Variants in ATP6V0D2 observed in about 807,000 individuals in gnomAD.
ATP6V0D2 encodes the protein ATPase H+ transporting V0 subunit d2.
A neutral mutation model predicts 40.0 loss-of-function variants in ATP6V0D2; 40 were observed. The ratio of observed to expected loss-of-function variants is 1.00; its 90% CI spans 0.78 to 1.30. ATP6V0D2 has a LOEUF of 1.30. ATP6V0D2 is among the 50% of genes most tolerant of loss of function. The probability of loss-of-function intolerance (pLI) is 0.00; values close to 1 mark genes in which losing one functional copy is unlikely to be tolerated. For missense variants in ATP6V0D2, 470 were observed against 423.1 expected (o/e 1.11, Z -0.97); for synonymous variants, 179 against 156.3 (o/e 1.15, Z -1.08).
intron 2 of ATP6V0D2, among the ~76,000 whole-genome samples, chr8:86,115,831 ATG>A (rs1351698446): frequency 2.0e-5 from 3 of 152,202 alleles, no homozygotes; most frequent in Non-Finnish European, 1.5e-5. Flanking sequence ...GGAAAATAAT[ATG>A]TCAGTCAGAA....
At chr8:86,149,923 C>A (rs1404356139) in intron 5 of ATP6V0D2, among the ~76,000 whole-genome samples, 189 bp from the exon 6 acceptor site, 2 of 152,058 alleles carry the variant, frequency 1.3e-5, no homozygotes, top group African/African-American at 4.8e-5. Flanking sequence ...TGATCCTTCT[C>A]TGGCAAGCAG....
intron 5 of ATP6V0D2, among the ~76,000 whole-genome samples, chr8:86,147,768 A>T (rs1194923037): frequency 6.6e-6 from 1 of 152,208 alleles, no homozygotes; most frequent in African/African-American, 2.4e-5. Flanking sequence ...ATGACATTTG[A>T]TGGGACAGGA....
chr8:86,111,870 C>T (rs1284618080), intron 1 of ATP6V0D2, among the ~76,000 whole-genome samples: 3 of 152,204 alleles, frequency 2.0e-5, no homozygotes, highest in Middle Eastern at 3.2e-3. Context: ...TCCCATAAAT[C>T]AAGGACCTTA....
intron 5 of ATP6V0D2, among the ~76,000 whole-genome samples, chr8:86,146,333 C>T (rs961663590): frequency 6.6e-6 from 1 of 152,106 alleles, no homozygotes; most frequent in Non-Finnish European, 1.5e-5. Context: ...CCAGTGTTCT[C>T]ATGGTACTTT....
Position 86,152,962 on chromosome 8 carries a change from C to T in ATP6V0D2, c.1038C>T (p.Tyr346=). 2 of 1,600,520 alleles carry T rather than the reference C, an allele frequency of 1.2e-6. No individual in the cohort carries two copies. The highest frequency in any genetic ancestry group is 1.1e-5 in the South Asian group (1 of 87,568). ...SQRHRTKINS[Y]IPIL ...GGCATCGAACTAAAATCAACAGTTACATTCCAATTTTATAACCCAAGTAAG... is the reference window on the plus strand; with the variant it reads ...GGCATCGAACTAAAATCAACAGTTATATTCCAATTTTATAACCCAAGTAAG... The change falls in exon 8 of 8, where the codon TAC becomes TAT. Residue 346 remains tyrosine (Y), a synonymous_variant. Transcript: ENST00000285393.
At chr8:86,150,577 G>T (rs1819131594) in intron 6 of ATP6V0D2, among the ~76,000 whole-genome samples, 1 of 152,080 alleles carries the variant, frequency 6.6e-6, no homozygotes, top group Admixed American at 6.5e-5. Flanking sequence ...TCCCCCAGGA[G>T]ACTGGTTCAG....
chr8:86,123,230 A>G (rs953743046), intron 2 of ATP6V0D2, among the ~76,000 whole-genome samples: 1 of 152,190 alleles, frequency 6.6e-6, no homozygotes, highest in Admixed American at 6.5e-5. Context: ...GGTGATTGCT[A>G]TTATTATGCT....
intron 1 of ATP6V0D2, among the ~76,000 whole-genome samples, chr8:86,108,946 A>AT (rs1306847904): frequency 6.6e-6 from 1 of 151,862 alleles, no homozygotes; most frequent in African/African-American, 2.4e-5. Flanking sequence ...GGTGTAATCT[A>AT]TTTTTTTTAT....
At chr8:86,117,486 A>G (rs1200886674) in intron 2 of ATP6V0D2, among the ~76,000 whole-genome samples, 2 of 152,228 alleles carry the variant, frequency 1.3e-5, no homozygotes, top group African/African-American at 4.8e-5. Context: ...CCATAGGTCA[A>G]GGAAGGAAGG....
chr8:86,147,616 C>T (rs2129642063), intron 5 of ATP6V0D2, among the ~76,000 whole-genome samples: 1 of 152,214 alleles, frequency 6.6e-6, no homozygotes, highest in Admixed American at 6.5e-5. Context: ...ATAATACACA[C>T]ACTTACCCAA....
intron 2 of ATP6V0D2, among the ~76,000 whole-genome samples, chr8:86,115,938 C>A (rs1818587056): frequency 6.6e-6 from 1 of 152,008 alleles, no homozygotes; most frequent in East Asian, 1.9e-4. Context: ...AGGCCTTTGG[C>A]ACAAAGGAAA....
intron 2 of ATP6V0D2, among the ~76,000 whole-genome samples, chr8:86,134,503 A>C (rs1051054482): frequency 6.6e-6 from 1 of 152,210 alleles, no homozygotes; most frequent in African/African-American, 2.4e-5. Context: ...TTCTCGATAT[A>C]CATAGAGGAA....
At chr8:86,147,742 G>T (rs991278214) in intron 5 of ATP6V0D2, among the ~76,000 whole-genome samples, 4 of 152,188 alleles carry the variant, frequency 2.6e-5, no homozygotes, top group African/African-American at 9.7e-5. Flanking sequence ...AAATGGAAGG[G>T]CTTGTTATGA....
At chr8:86,148,698 A>C (rs184781881) in intron 5 of ATP6V0D2, among the ~76,000 whole-genome samples, 195 of 152,254 alleles carry the variant, frequency 1.3e-3, no homozygotes, top group African/African-American at 4.6e-3. Flanking sequence ...GGAGAATTTC[A>C]AAGTAGTAGG....
rs556469104 is a variant in ATP6V0D2 at position 86,136,407 on chromosome 8, A to T, written c.303-3050A>T. 3.2e-4 allele frequency among the ~76,000 whole-genome samples: 48 copies of T among 151,776 alleles called. No individual in the cohort carries two copies. The South Asian group carries it at 5.8e-3, about 18-fold the overall frequency. On this transcript the variant is annotated intron_variant, in intron 2 of 7. Coordinates refer to ENST00000285393, the MANE Select transcript of ATP6V0D2 (RefSeq NM_152565.1). ...CGCAGCTCAGATGCTTTTACATTGC[A>T]GGGGAGGTTGTGGGGAACAATTAAA...
chr8:86,141,180 G>T (rs1006381405), intron 3 of ATP6V0D2, among the ~76,000 whole-genome samples: 1 of 152,234 alleles, frequency 6.6e-6, no homozygotes, highest in African/African-American at 2.4e-5. Context: ...CAGCTGTGTG[G>T]CTCAGTTACT....
At chr8:86,109,280 A>G (rs896445954) in intron 1 of ATP6V0D2, among the ~76,000 whole-genome samples, 1 of 152,192 alleles carries the variant, frequency 6.6e-6, no homozygotes, top group Non-Finnish European at 1.5e-5. Flanking sequence ...CTATTTAGAT[A>G]AGCATTTAGG....
At position 86,099,008 on chromosome 8, in the gene ATP6V0D2, C is replaced by T. The variant is rs779044680; in HGVS notation, c.30C>T (p.Asn10=). The T allele has an allele frequency of 2.4e-5, 38 of 1,613,954 alleles. No homozygotes were observed. Among genetic ancestry groups the T allele is most frequent in the Middle Eastern group, 3.3e-4 (2 of 6,084 alleles). MLEGAELYF[N]VDHGYLEGLV... The stretch of plus-strand genomic sequence containing the variant: ...TCGAAGGTGCGGAGCTGTACTTCAA[C>T]GTGGACCATGGCTACCTGGAGGGCC... Residue 10 remains asparagine (N), a synonymous_variant, in exon 1 of 8, where the codon AAC becomes AAT. Coordinates refer to ENST00000285393, the MANE Select transcript of ATP6V0D2 (RefSeq NM_152565.1).
At chr8:86,145,233 AAGAGAG>A (rs1181332154) in intron 5 of ATP6V0D2, among the ~76,000 whole-genome samples, 1 of 38,442 alleles carries the variant, frequency 2.6e-5, no homozygotes, top group Non-Finnish European at 4.7e-5. Flanking sequence ...GAAAGAAAGA[AAGAGAG>A]AGAGAGAGAG....
Sources: allele counts gnomAD v4.1 joint callset (sites outside exome capture counted in the v4.1 genomes callset), GRCh38; gene constraint gnomAD v4.1.1; transcripts MANE v1.5; gene names NCBI Gene and HGNC (gene_info 2026-07-23, HGNC 2026-07-21).